TASP1: variants seen among roughly 807,000 people sequenced by gnomAD.
TASP1 encodes the protein taspase 1, also known as threonine aspartase 1.
TASP1 carries 16 observed loss-of-function variants against 56.6 expected under a neutral mutation model. The ratio of observed to expected loss-of-function variants is 0.28; its 90% CI spans 0.19 to 0.43. TASP1 has a LOEUF of 0.43. Among genes scored for constraint, TASP1 ranks in the 20% least tolerant of loss-of-function variants. TASP1 has a pLI of 1.00. For missense variants in TASP1, 393 were observed against 511.6 expected, an observed-to-expected ratio of 0.77 and a Z score of 2.24; for synonymous variants, 179 against 184.2, an observed-to-expected ratio of 0.97 and a Z score of 0.23.
the TASP1 span, among the ~76,000 whole-genome samples, chr20:13,204,104 A>G: frequency 6.6e-6 from 1 of 152,294 alleles, no homozygotes; most frequent in Non-Finnish European, 1.5e-5. Context: ...TCAAGCATCT[A>G]TATGTTTAAA....
chr20:13,201,522 AAAAG>A, the TASP1 span, among the ~76,000 whole-genome samples: 1 of 152,118 alleles, frequency 6.6e-6, no homozygotes, highest in Admixed American at 6.5e-5. Context: ...AATCAACTAA[AAAAG>A]AAAGAAAAAT....
intron 10 of TASP1, among the ~76,000 whole-genome samples, chr20:13,517,274 G>C (rs963479622): frequency 6.6e-6 from 1 of 152,032 alleles, no homozygotes; most frequent in Non-Finnish European, 1.5e-5. Flanking sequence ...AACCAGGCTA[G>C]AACATAAAAT....
At chr20:13,318,241 A>C in the TASP1 span, among the ~76,000 whole-genome samples, 61 of 152,316 alleles carry the variant, frequency 4.0e-4, no homozygotes, top group African/African-American at 1.3e-3. Context: ...AAGATATTTC[A>C]CATCATATGT....
intron 13 of TASP1, among the ~76,000 whole-genome samples, chr20:13,391,321 G>GT (rs2041267256): frequency 6.6e-6 from 1 of 152,212 alleles, no homozygotes; most frequent in Admixed American, 6.5e-5. Flanking sequence ...GTAGAAGACA[G>GT]TAAGCACTTC....
At chr20:13,541,123 A>T (rs377285951) in intron 8 of TASP1, among the ~76,000 whole-genome samples, 40 of 150,732 alleles carry the variant, frequency 2.7e-4, no homozygotes, top group African/African-American at 8.9e-4. Flanking sequence ...AAGAGAGAAA[A>T]TATTTAAAGA....
At chr20:13,358,908 C>A in the TASP1 span, among the ~76,000 whole-genome samples, 14 of 151,268 alleles carry the variant, frequency 9.3e-5, no homozygotes, top group Admixed American at 7.2e-4. Flanking sequence ...TACCCCTTCT[C>A]TGCTTTTCTG....
the TASP1 span, among the ~76,000 whole-genome samples, chr20:13,224,827 T>C: frequency 6.6e-6 from 1 of 150,428 alleles, no homozygotes; most frequent in East Asian, 1.9e-4. Flanking sequence ...ACTTTACACA[T>C]ACTAGCTTTC....
At chr20:13,593,390 A>G (rs2047607774) in intron 4 of TASP1, among the ~76,000 whole-genome samples, 1 of 152,140 alleles carries the variant, frequency 6.6e-6, no homozygotes, top group Admixed American at 6.5e-5. Flanking sequence ...GGGTGAGCCG[A>G]AGCTGGGTGG....
the TASP1 span, among the ~76,000 whole-genome samples, chr20:13,380,881 G>A: frequency 2.6e-5 from 4 of 152,128 alleles, no homozygotes; most frequent in Non-Finnish European, 4.4e-5. Context: ...CACTGTGAGG[G>A]GAAAACCGCC....
chr20:13,185,631 T>C, the TASP1 span, among the ~76,000 whole-genome samples: 5 of 152,206 alleles, frequency 3.3e-5, no homozygotes, highest in African/African-American at 4.8e-5. Context: ...TGTGACTCCA[T>C]TGACTTTATG....
At chr20:13,165,109 C>T in the TASP1 span, 1 of 445,470 alleles carries the variant, frequency 2.2e-6, no homozygotes, top group African/African-American at 2.0e-5. Context: ...TACACACACA[C>T]ACACACACAC....
At chr20:13,118,068 T>C in the TASP1 span, among the ~76,000 whole-genome samples, 1 of 152,008 alleles carries the variant, frequency 6.6e-6, no homozygotes, top group East Asian at 1.9e-4. Context: ...AGACAAATAA[T>C]GGGGGGCCAT....
chr20:13,406,926 A>C (rs995149678), intron 13 of TASP1, among the ~76,000 whole-genome samples: 39 of 152,058 alleles, frequency 2.6e-4, no homozygotes, highest in Admixed American at 2.6e-3. Context: ...TTGGCCTCCC[A>C]AAGTGCTGGG....
chr20:13,256,471 C>A, the TASP1 span, among the ~76,000 whole-genome samples: 1 of 149,748 alleles, frequency 6.7e-6, no homozygotes, highest in Non-Finnish European at 1.5e-5. Context: ...CAAAACCCAT[C>A]TTGTGCCCTG....
chr20:13,325,521 T>G, the TASP1 span, among the ~76,000 whole-genome samples: 1 of 152,198 alleles, frequency 6.6e-6, no homozygotes, highest in East Asian at 1.9e-4. Context: ...GATTATAATA[T>G]TCACCTTTCC....
At chr20:13,505,166 AACAGAT>A (rs1023060132) in intron 10 of TASP1, among the ~76,000 whole-genome samples, 1 of 152,172 alleles carries the variant, frequency 6.6e-6, no homozygotes, top group Non-Finnish European at 1.5e-5. Context: ...AAGGTGTAAC[AACAGAT>A]AAAGCAGGTC....
chr20:13,314,214 AAT>A, the TASP1 span, among the ~76,000 whole-genome samples: 1 of 152,196 alleles, frequency 6.6e-6, no homozygotes, highest in Non-Finnish European at 1.5e-5. Flanking sequence ...TATTTGAAAT[AAT>A]AATAACAGAA....
chr20:13,398,810 A>G (rs1449775087), intron 13 of TASP1, among the ~76,000 whole-genome samples: 1 of 152,182 alleles, frequency 6.6e-6, no homozygotes, highest in African/African-American at 2.4e-5. Flanking sequence ...GGTAAGAATA[A>G]TAACTCCATA....
At chr20:13,339,971 C>A in the TASP1 span, among the ~76,000 whole-genome samples, 1 of 151,978 alleles carries the variant, frequency 6.6e-6, no homozygotes, top group Non-Finnish European at 1.5e-5. Flanking sequence ...TCAGGAAGCA[C>A]AAGCAAGCAC....
Sources: allele counts gnomAD v4.1 joint callset (sites outside exome capture counted in the v4.1 genomes callset), GRCh38; gene constraint gnomAD v4.1.1; transcripts MANE v1.5; gene names NCBI Gene and HGNC (gene_info 2026-07-23, HGNC 2026-07-21).